Variants in SNW1 observed in about 807,000 individuals in gnomAD.
The protein encoded by SNW1 is SNW domain containing 1.
SNW1 carries 9 observed loss-of-function variants against 75.6 expected under a neutral mutation model. The observed-to-expected ratio is 0.12, with a 90% confidence interval of 0.07 to 0.21. The LOEUF is 0.21. Among genes scored for constraint, SNW1 ranks in the 10% least tolerant of loss-of-function variants. The pLI is 1.00. For synonymous variants in SNW1, 200 were observed against 219.1 expected (o/e 0.91, Z 0.77); for missense variants, 409 against 670.9 (o/e 0.61, Z 4.31).
chr14:77,740,718 C>T (rs2080711477), intron 3 of SNW1, among the ~76,000 whole-genome samples: 1 of 152,114 alleles, frequency 6.6e-6, no homozygotes, highest in East Asian at 1.9e-4. Context: ...ATCATTTGCT[C>T]CATAGCACTG....
chr14:77,746,250 T>A (rs1264306725), intron 3 of SNW1, among the ~76,000 whole-genome samples: 1 of 152,224 alleles, frequency 6.6e-6, no homozygotes, highest in African/African-American at 2.4e-5. Context: ...TGTATGTGTA[T>A]ATACATGATG....
chr14:77,755,959 G>C (rs1300797615), intron 1 of SNW1, among the ~76,000 whole-genome samples: 1 of 151,346 alleles, frequency 6.6e-6, no homozygotes, highest in Non-Finnish European at 1.5e-5. Context: ...GGCTGGTCTC[G>C]AACTCCCGAC....
chr14:77,742,035 AT>A (rs35732517), intron 3 of SNW1, among the ~76,000 whole-genome samples: 145 of 143,504 alleles, frequency 1.0e-3, no homozygotes, highest in East Asian at 1.2e-3. Flanking sequence ...AAAACCCCCC[AT>A]TTTTTTTTTT....
At chr14:77,749,827 G>T (rs185834440) in intron 3 of SNW1, among the ~76,000 whole-genome samples, 17 of 152,342 alleles carry the variant, frequency 1.1e-4, no homozygotes, top group Non-Finnish European at 1.9e-4. Context: ...GAGGGATGAA[G>T]AACTGTTGAG....
Position 77,717,633 on chromosome 14 carries a change from T to C in SNW1, c.*455A>G. On this transcript the variant is annotated 3_prime_UTR_variant, in exon 14 of 14. Coordinates refer to ENST00000261531, the MANE Select transcript of SNW1 (RefSeq NM_012245.3). ...AATGTTTTTATTTGAAACAAATAGT[T>C]GCACCAAGCAAGAGGTTACTTTGCC... is the stretch of plus-strand genomic sequence containing the variant. The C allele has an allele frequency of 6.9e-7, 1 of 1,453,346 alleles. No homozygotes were observed. The highest frequency in any genetic ancestry group is 9.6e-7 in the Non-Finnish European group (1 of 1,043,554). The allele number at this position is 1,453,346 out of a possible 1,614,324, so 90.0% of individuals were successfully genotyped here. A position where few individuals can be genotyped will look rare whatever the true frequency, so the allele number is the denominator to read the frequency against.
At chr14:77,729,719 T>C (rs552629299) in intron 10 of SNW1, among the ~76,000 whole-genome samples, 22 of 152,196 alleles carry the variant, frequency 1.4e-4, no homozygotes, top group Non-Finnish European at 3.1e-4. Context: ...AAGAGATGAC[T>C]GGTAAGTTAA....
intron 8 of SNW1, among the ~76,000 whole-genome samples, chr14:77,733,514 G>A (rs1482404163): frequency 6.6e-6 from 1 of 151,990 alleles, no homozygotes; most frequent in African/African-American, 2.4e-5. Context: ...GGAGGCCAAG[G>A]CAGGTGGATT....
intron 5 of SNW1, among the ~76,000 whole-genome samples, chr14:77,738,007 A>AAAAAG (rs2080687299): frequency 6.7e-6 from 1 of 149,970 alleles, no homozygotes; most frequent in African/African-American, 2.5e-5. Flanking sequence ...AAAAAAAAAA[A>AAAAAG]AAAGAAAATA....
chr14:77,725,354 T>A (rs2080576760), intron 10 of SNW1, among the ~76,000 whole-genome samples: 1 of 152,216 alleles, frequency 6.6e-6, no homozygotes, highest in African/African-American at 2.4e-5. Flanking sequence ...TTGTCTATAT[T>A]TGCTTTTGCT....
At chr14:77,758,506 C>T (rs1034639963) in intron 1 of SNW1, among the ~76,000 whole-genome samples, 4 of 152,174 alleles carry the variant, frequency 2.6e-5, no homozygotes, top group Non-Finnish European at 5.9e-5. Flanking sequence ...TCAGTTACCT[C>T]TCTCTAGAGC....
In SNW1 at chr14:77,743,307, T is replaced by C. The variant is rs185072768; in HGVS notation, c.331-4246A>G. Among the ~76,000 whole-genome samples the C allele has an allele frequency of 4.6e-5, 7 of 152,220 alleles. 1 individual carries two copies. In the East Asian group the frequency reaches 1.4e-3, roughly 29 times the overall value. On this transcript the variant is annotated intron_variant, in intron 3 of 13. Transcript: ENST00000261531. Reference sequence around the variant, plus strand: ...TATCAAGATTTACACTAAAAAAAACTTTTTCATCCCCAATTTTGTATGACT... The same window carrying C: ...TATCAAGATTTACACTAAAAAAAACCTTTTCATCCCCAATTTTGTATGACT...
At chr14:77,748,281 G>A (rs981790505) in intron 3 of SNW1, among the ~76,000 whole-genome samples, 7 of 152,088 alleles carry the variant, frequency 4.6e-5, no homozygotes, top group African/African-American at 1.4e-4. Context: ...GCGGAAGGCC[G>A]CAGGGTCCTC....
At chr14:77,740,942 GAA>G (rs1046140165) in intron 3 of SNW1, among the ~76,000 whole-genome samples, 10 of 151,666 alleles carry the variant, frequency 6.6e-5, no homozygotes, top group Non-Finnish European at 1.2e-4. Context: ...CCCAAAAACA[GAA>G]AAATTAACCA....
In SNW1 at chr14:77,743,927, C is replaced by T. The variant is rs2080738072; in HGVS notation, c.331-4866G>A. ...TCCAAACTTCATGCATGAATCTATC[C>T]ACTTCTAGAAAACAAACAAACAAAA... On this transcript the variant is annotated intron_variant, in intron 3 of 13. Coordinates refer to ENST00000261531, the MANE Select transcript of SNW1 (RefSeq NM_012245.3). Among the ~76,000 whole-genome samples, 3 of 152,048 alleles carry T rather than the reference C, an allele frequency of 2.0e-5. No individual in the cohort carries two copies. The South Asian group carries it at 6.2e-4, about 32-fold the overall frequency.
At chr14:77,718,713 CTTTT>C (rs372285276) in intron 12 of SNW1, among the ~76,000 whole-genome samples, 183 bp from the exon 13 acceptor site, 2 of 138,410 alleles carry the variant, frequency 1.4e-5, no homozygotes, top group Non-Finnish European at 3.2e-5. Flanking sequence ...ACTTTGGATT[CTTTT>C]TTTTTTTTTT....
rs1197484043 is a variant in SNW1 at position 77,717,804 on chromosome 14, T to C, written c.*284A>G. On this transcript the variant is annotated 3_prime_UTR_variant, in exon 14 of 14. Coordinates refer to ENST00000261531, the MANE Select transcript of SNW1 (RefSeq NM_012245.3). ...ACACAAAACATTAACCCCAAACTAC[T>C]AGTGTCACATAAAAGTAAGTGGTCT... 1 of 579,510 alleles carries C rather than the reference T, an allele frequency of 1.7e-6. No individual in the cohort carries two copies. Among genetic ancestry groups the C allele is most frequent in the Non-Finnish European group, 3.0e-6 (1 of 329,814 alleles). 35.9% of individuals were successfully genotyped at this position (579,510 alleles called of 1,614,324 possible).
intron 3 of SNW1, among the ~76,000 whole-genome samples, chr14:77,748,831 C>T (rs934648428): frequency 7.2e-5 from 11 of 152,114 alleles, no homozygotes; most frequent in African/African-American, 2.7e-4. Context: ...TCGTGATCCA[C>T]CCACCTCAGT....
At position 77,718,520 on chromosome 14, in the gene SNW1, C is replaced by T; in HGVS notation, c.1259G>A (p.Ser420Asn). Residue 420 changes from serine (S) to asparagine (N), a missense_variant, in exon 13 of 14, where the codon AGT (serine) becomes AAT (asparagine). Around this residue, in one of 9 missense-constraint regions of SNW1, gnomAD observed 126 missense variants for 167.6 expected, o/e 0.75. Transcript: ENST00000261531. ...RLFNQSKGMD[S>N]GFAGGEDEIY... Reference sequence around the variant, plus strand: ...TTCATCTTCTCCACCTGCAAATCCACTGTCCATACCCTGTGGAAAAATGGA... The same window carrying T: ...TTCATCTTCTCCACCTGCAAATCCATTGTCCATACCCTGTGGAAAAATGGA... The T allele has an allele frequency of 6.2e-7, 1 of 1,608,686 alleles. No homozygotes were observed. The highest frequency in any genetic ancestry group is 2.2e-5 in the East Asian group (1 of 44,818).
intron 3 of SNW1, among the ~76,000 whole-genome samples, chr14:77,741,761 T>C (rs1348015750): frequency 6.6e-6 from 1 of 152,136 alleles, no homozygotes; most frequent in Non-Finnish European, 1.5e-5. Context: ...ACCAATTCTA[T>C]GAAGAGTTAA....
Sources: allele counts gnomAD v4.1 joint callset (sites outside exome capture counted in the v4.1 genomes callset), GRCh38; gene constraint gnomAD v4.1.1; regional missense constraint gnomAD v4.1.1; transcripts MANE v1.5; gene names NCBI Gene and HGNC (gene_info 2026-07-23, HGNC 2026-07-21).